Variants in ADGRD1 observed in about 807,000 individuals in gnomAD.
ADGRD1 encodes G-protein coupled receptor 133.
ADGRD1 carries 77 observed loss-of-function variants against 113.4 expected under a neutral mutation model. The ratio of observed to expected loss-of-function variants is 0.68; its 90% CI spans 0.57 to 0.82. The LOEUF (loss-of-function observed/expected upper bound fraction) is 0.82, where lower values mean the gene tolerates loss of function less well. Among genes scored for constraint, ADGRD1 ranks in the 40% least tolerant of loss-of-function variants. The probability of loss-of-function intolerance (pLI) is 0.00; values close to 1 mark genes in which losing one functional copy is unlikely to be tolerated. For synonymous variants in ADGRD1, 474 were observed against 475.0 expected, an observed-to-expected ratio of 1.00 and a Z score of 0.03; for missense variants, 1,036 against 1,139.1, an observed-to-expected ratio of 0.91 and a Z score of 1.30.
intron 24 of ADGRD1, 37 bp from the exon 25 acceptor site, chr12:131,139,131 G>A (rs1284551598): frequency 2.0e-6 from 3 of 1,529,336 alleles, no homozygotes; most frequent in South Asian, 1.1e-5. Context: ...CCCCCTGGGA[G>A]CAGGCCCTTC....
intron 2 of ADGRD1, among the ~76,000 whole-genome samples, chr12:130,963,808 T>C (rs1315723873): frequency 6.6e-6 from 1 of 152,170 alleles, no homozygotes; most frequent in Non-Finnish European, 1.5e-5. Flanking sequence ...AATAAATTCC[T>C]AGAGGTGGAA....
intron 2 of ADGRD1, among the ~76,000 whole-genome samples, chr12:130,961,965 C>T (rs902584288): frequency 2.6e-5 from 4 of 152,192 alleles, no homozygotes; most frequent in Non-Finnish European, 5.9e-5. Context: ...CAGTTTTCCA[C>T]GTCGCCTCCG....
At chr12:131,124,653 AAC>A (rs1222748684) in intron 20 of ADGRD1, among the ~76,000 whole-genome samples, 1 of 105,278 alleles carries the variant, frequency 9.5e-6, no homozygotes, top group Non-Finnish European at 2.5e-5. Context: ...TCTACAGCCA[AAC>A]ACACACACTG....
chr12:130,989,863 T>C (rs371461287), intron 6 of ADGRD1: 2 of 152,366 alleles, frequency 1.3e-5, no homozygotes, highest in African/African-American at 4.8e-5. Flanking sequence ...ACCACTGGAA[T>C]GGACAGCAGC....
intron 18 of ADGRD1, among the ~76,000 whole-genome samples, chr12:131,115,840 C>G (rs1950451784): frequency 6.6e-6 from 1 of 152,138 alleles, no homozygotes; most frequent in Non-Finnish European, 1.5e-5. Context: ...TCGAGGGGCT[C>G]ATCATTCATA....
At chr12:130,973,637 A>C (rs1270188419) in intron 4 of ADGRD1, among the ~76,000 whole-genome samples, 4 of 152,016 alleles carry the variant, frequency 2.6e-5, no homozygotes, top group Non-Finnish European at 5.9e-5. Flanking sequence ...ACATGTATTC[A>C]CTCATTTCAT....
In ADGRD1 at chr12:131,047,067, A is replaced by G. The variant is rs891958756; in HGVS notation, c.1474-29734A>G. ...CCCTGGTCAGTGTCCTCCCTCGTCA[A>G]TGCTCCTCCCTGGTCAGTGCTCCCT... On this transcript the variant is annotated intron_variant, in intron 13 of 24. Coordinates refer to ENST00000261654, the MANE Select transcript of ADGRD1 (RefSeq NM_198827.5). Among the ~76,000 whole-genome samples, 70 of 138,600 alleles carry G rather than the reference A, an allele frequency of 5.1e-4. No homozygotes were observed. In the Middle Eastern group the frequency reaches 0.014, roughly 29 times the overall value. The allele number at this position is 138,600 out of a possible 152,430, so 90.9% of individuals were successfully genotyped here. A position where few individuals can be genotyped will look rare whatever the true frequency, so the allele number is the denominator to read the frequency against.
intron 5 of ADGRD1, among the ~76,000 whole-genome samples, chr12:130,982,605 G>GGA (rs1415014713): frequency 6.6e-6 from 1 of 152,176 alleles, no homozygotes; most frequent in East Asian, 1.9e-4. Context: ...AGAAGCTTTT[G>GGA]GAGAGAGAGG....
chr12:131,133,670 A>G (rs1950994687), intron 21 of ADGRD1, among the ~76,000 whole-genome samples: 1 of 152,076 alleles, frequency 6.6e-6, no homozygotes, highest in African/African-American at 2.4e-5. Flanking sequence ...ACATTTCCCA[A>G]TGCCTTCAGC....
intron 13 of ADGRD1, among the ~76,000 whole-genome samples, chr12:131,055,037 A>T (rs1883728420): frequency 6.6e-6 from 1 of 152,228 alleles, no homozygotes; most frequent in African/African-American, 2.4e-5. Context: ...TTTCTGGTGC[A>T]TGGAAATTTT....
chr12:131,128,206 G>A (rs1033478929), intron 20 of ADGRD1, among the ~76,000 whole-genome samples: 1 of 148,542 alleles, frequency 6.7e-6, no homozygotes, highest in Non-Finnish European at 1.5e-5. Flanking sequence ...CTGAGCTCAG[G>A]TGGGGTGTTG....
chr12:130,966,435 T>A lies in ADGRD1; in HGVS notation c.104-28T>A. The A allele has an allele frequency of 6.8e-7, 1 of 1,474,038 alleles. No homozygotes were observed. The highest frequency in any genetic ancestry group is 1.4e-5 in the African/African-American group (1 of 72,404). The allele number at this position is 1,474,038 out of a possible 1,614,324, so 91.3% of individuals were successfully genotyped here. A position where few individuals can be genotyped will look rare whatever the true frequency, so the allele number is the denominator to read the frequency against. On this transcript the variant is annotated intron_variant, in intron 2 of 24. Transcript: ENST00000261654. The surrounding 1 kb of genome is among the most constrained non-coding windows in gnomAD (Gnocchi z 4.6). ...TGGTTCTTTCCTCTCTAATGATGAT[T>A]TAAAATTTTTATTCTTTTTTCCCCA...
At chr12:131,078,174 C>T (rs1283136156) in intron 14 of ADGRD1, among the ~76,000 whole-genome samples, 1 of 152,240 alleles carries the variant, frequency 6.6e-6, no homozygotes, top group Non-Finnish European at 1.5e-5. Flanking sequence ...TCCCTGCACC[C>T]AGAGGGCCAG....
At chr12:131,070,797 G>A (rs540145695) in intron 13 of ADGRD1, 1 of 518,970 alleles carries the variant, frequency 1.9e-6, no homozygotes, top group South Asian at 1.4e-5. Context: ...TGGAGTACAT[G>A]TGACTTCAGG....
At position 130,971,365 on chromosome 12, in the gene ADGRD1, TAC is replaced by T. The variant is rs1468006656; in HGVS notation, c.188-89_188-88del. The T allele has an allele frequency of 2.9e-5, 25 of 856,668 alleles. No individual in the cohort carries two copies. In the African/African-American group the frequency reaches 3.3e-4, roughly 11 times the overall value. The allele number at this position is 856,668 out of a possible 1,614,324, so 53.1% of individuals were successfully genotyped here. On this transcript the variant is annotated intron_variant, in intron 3 of 24. Transcript: ENST00000261654. This position sits in a 1 kb window ranked among gnomAD's most constrained non-coding sequence, Gnocchi z 4.2. ...ACTTAGATAAATAATAATGCATACT[TAC>T]ACATAAGTTATTTGTAGGTCTGACA...
chr12:131,013,824 A>G (rs1878225306), intron 12 of ADGRD1, among the ~76,000 whole-genome samples: 1 of 152,170 alleles, frequency 6.6e-6, no homozygotes, highest in African/African-American at 2.4e-5. Context: ...AATCGGTGAG[A>G]TTCATGCCCT....
At chr12:131,040,269 C>T (rs1310673730) in intron 13 of ADGRD1, among the ~76,000 whole-genome samples, 2 of 152,206 alleles carry the variant, frequency 1.3e-5, no homozygotes, top group Non-Finnish European at 2.9e-5. Context: ...CCTCCTCTCC[C>T]TCCTGCTCTT....
chr12:131,041,108 C>T lies in ADGRD1; in HGVS notation c.1473+26768C>T, dbSNP rs1882092294. ...CCATTTCTCTGATGCCCTCACTTGT[C>T]CTGGGGTGAATGTTTCGATGCTCTT... On this transcript the variant is annotated intron_variant, in intron 13 of 24. Transcript: ENST00000261654. The surrounding 1 kb of genome is among the most constrained non-coding windows in gnomAD (Gnocchi z 4.4). Among the ~76,000 whole-genome samples, 1 of 152,128 alleles carries T rather than the reference C, an allele frequency of 6.6e-6. No individual in the cohort carries two copies. Among genetic ancestry groups the T allele is most frequent in the South Asian group, 2.1e-4 (1 of 4,824 alleles).
intron 13 of ADGRD1, chr12:131,070,262 G>C (rs955780484): frequency 6.5e-6 from 1 of 153,108 alleles, no homozygotes; most frequent in Non-Finnish European, 1.5e-5. Context: ...AGCATTCTAG[G>C]GGATGACCGC....
Sources: gnomAD v4.1 joint callset for allele counts (sites outside exome capture counted in the v4.1 genomes callset) on GRCh38, gnomAD v4.1.1 for gene constraint, Gnocchi (gnomAD v3.1) non-coding constraint, MANE v1.5 for transcripts, NCBI Gene and HGNC (gene_info 2026-07-23, HGNC 2026-07-21) for gene names.